The following NRG3 variants were observed in gnomAD, a reference collection of about 807,000 sequenced individuals.
NRG3 encodes pro-neuregulin-3, membrane-bound isoform.
Under a neutral mutation model 66.9 loss-of-function variants are expected in NRG3, and 31 were observed. The observed-to-expected ratio is 0.46, with a 90% CI of 0.35 to 0.63. The LOEUF is 0.63. Ranked by LOEUF, NRG3 falls within the 20% of genes least tolerant of loss-of-function variation. The pLI, the probability that NRG3 is intolerant of heterozygous loss-of-function variation, is 0.00. For synonymous variants in NRG3, 393 were observed against 359.4 expected (o/e 1.09, Z -1.06); for missense variants, 910 against 878.9 (o/e 1.04, Z -0.45).
At chr10:82,459,653 C>T (rs2136697082) in intron 2 of NRG3, among the ~76,000 whole-genome samples, 1 of 152,266 alleles carries the variant, frequency 6.6e-6, no homozygotes, top group South Asian at 2.1e-4. Flanking sequence ...AGTCTGTGCT[C>T]CTCCCGTCTG....
chr10:82,306,673 C>T (rs551993555), intron 1 of NRG3, among the ~76,000 whole-genome samples: 125 of 125,594 alleles, frequency 1.0e-3, no homozygotes, highest in African/African-American at 3.7e-3. Context: ...CACTGCACTC[C>T]AGCCTGGGCG....
At chr10:81,896,597 A>G (rs540869278) in intron 1 of NRG3, among the ~76,000 whole-genome samples, 29 of 151,594 alleles carry the variant, frequency 1.9e-4, no homozygotes, top group Middle Eastern at 3.5e-3. Flanking sequence ...TCTTTTCCAT[A>G]TAGATATTTA....
chr10:82,318,579 G>A (rs970338978), intron 1 of NRG3, among the ~76,000 whole-genome samples: 6 of 152,072 alleles, frequency 3.9e-5, no homozygotes, highest in Non-Finnish European at 7.3e-5. Flanking sequence ...TGACTGTCTC[G>A]TGGCCCTCCT....
intron 1 of NRG3, among the ~76,000 whole-genome samples, chr10:81,997,564 C>T (rs565845264): frequency 6.6e-6 from 1 of 152,058 alleles, no homozygotes; most frequent in East Asian, 1.9e-4. Flanking sequence ...TTCCAATTAG[C>T]CCAGTTATGT....
intron 1 of NRG3, among the ~76,000 whole-genome samples, chr10:82,084,799 A>G (rs940348528): frequency 1.3e-5 from 2 of 152,058 alleles, no homozygotes; most frequent in African/African-American, 4.8e-5. Context: ...GTATCTCTGC[A>G]AGATTGTCAG....
intron 1 of NRG3, among the ~76,000 whole-genome samples, chr10:82,173,674 A>AAC (rs3037392): frequency 0.17 from 25,186 of 146,516 alleles, 2,249 homozygotes; most frequent in African/African-American, 0.24. Context: ...TGCATATGTG[A>AAC]ACACACACAC....
chr10:82,125,337 C>A (rs1162706917), intron 1 of NRG3, among the ~76,000 whole-genome samples: 1 of 151,956 alleles, frequency 6.6e-6, no homozygotes, highest in African/African-American at 2.4e-5. Flanking sequence ...GTGATCTTCA[C>A]CAAACTCTGC....
intron 1 of NRG3, among the ~76,000 whole-genome samples, chr10:81,964,175 G>A (rs1589616445): frequency 6.6e-6 from 1 of 152,004 alleles, no homozygotes; most frequent in Non-Finnish European, 1.5e-5. Flanking sequence ...ATGTGAACAT[G>A]TATAATTTAC....
intron 2 of NRG3, among the ~76,000 whole-genome samples, chr10:82,648,600 A>G (rs1196715841): frequency 6.6e-6 from 1 of 152,120 alleles, no homozygotes; most frequent in Non-Finnish European, 1.5e-5. Flanking sequence ...CTTGGGCAGT[A>G]TGGCCATTTT....
intron 2 of NRG3, among the ~76,000 whole-genome samples, chr10:82,519,277 A>G (rs764006253): frequency 6.6e-6 from 1 of 152,116 alleles, no homozygotes; most frequent in African/African-American, 2.4e-5. Flanking sequence ...TATCCTCTAA[A>G]TTTGAGTTAC....
intron 4 of NRG3, among the ~76,000 whole-genome samples, chr10:82,886,790 C>G (rs1842758027): frequency 6.6e-6 from 1 of 152,202 alleles, no homozygotes; most frequent in African/African-American, 2.4e-5. Context: ...CTATCTGCTA[C>G]TAGGCATAGT....
At chr10:82,132,479 G>GATATATATATCATATATATATATA (rs1491227241) in intron 1 of NRG3, among the ~76,000 whole-genome samples, 1 of 62,498 alleles carries the variant, frequency 1.6e-5, no homozygotes, top group African/African-American at 5.9e-5. Flanking sequence ...ATATATATAT[G>GATATATATATCATATATATATATA]ATATATATAT....
chr10:82,886,696 G>T (rs1040893778), intron 4 of NRG3, among the ~76,000 whole-genome samples: 5 of 152,114 alleles, frequency 3.3e-5, no homozygotes, highest in Non-Finnish European at 7.4e-5. Context: ...TACTTACTGA[G>T]AACTGAGGCT....
chr10:82,873,688 A>T (rs750416212), intron 4 of NRG3, among the ~76,000 whole-genome samples: 64 of 152,172 alleles, frequency 4.2e-4, no homozygotes, highest in Admixed American at 9.8e-4. Context: ...GGCATCAAAG[A>T]TGTTTATATG....
At chr10:82,844,005 G>A (rs1021377770) in intron 3 of NRG3, among the ~76,000 whole-genome samples, 1 of 152,014 alleles carries the variant, frequency 6.6e-6, no homozygotes, top group Non-Finnish European at 1.5e-5. Flanking sequence ...CATATCATTT[G>A]TCATAGTTAA....
intron 1 of NRG3, among the ~76,000 whole-genome samples, chr10:82,076,001 G>T (rs1209703166): frequency 6.6e-6 from 1 of 151,456 alleles, no homozygotes; most frequent in Non-Finnish European, 1.5e-5. Context: ...TGAGTAAAAA[G>T]ACTGAGGGAG....
chr10:82,109,035 C>T (rs1428906791), intron 1 of NRG3, among the ~76,000 whole-genome samples: 1 of 152,164 alleles, frequency 6.6e-6, no homozygotes, highest in Non-Finnish European at 1.5e-5. Context: ...TTTTATTCAC[C>T]AGGGTATACC....
At position 82,551,148 on chromosome 10, in the gene NRG3, T is replaced by G. The variant is rs899987092; in HGVS notation, c.954-187429T>G. ...CACAAATTGAGCTGACTTCAAGCAA[T>G]GACTCCCATGAGATTAAAATACAGT... On this transcript the variant is annotated intron_variant, in intron 2 of 8. Transcript: ENST00000372141. Among the ~76,000 whole-genome samples, 8 of 152,126 alleles carry G rather than the reference T, an allele frequency of 5.3e-5. 1 individual carries two copies. Among genetic ancestry groups the G allele is most frequent in the Admixed American group, 2.0e-4 (3 of 15,262 alleles).
chr10:82,985,702 T>G lies in NRG3; in HGVS notation c.*97T>G. 7.5e-7 allele frequency: 1 copy of G among 1,340,770 alleles called. No homozygotes were observed. The highest frequency in any genetic ancestry group is 1.0e-6 in the Non-Finnish European group (1 of 987,484). 83.1% of individuals were successfully genotyped at this position (1,340,770 alleles called of 1,614,324 possible). On this transcript the variant is annotated 3_prime_UTR_variant, in exon 9 of 9. Coordinates refer to ENST00000372141, the MANE Select transcript of NRG3 (RefSeq NM_001010848.4). ...TTATATGCATTAATTTAAGAGCATC[T>G]ACTTAGAAGAAACCAAATAGTCTAT...
Sources: allele counts gnomAD v4.1 joint callset (sites outside exome capture counted in the v4.1 genomes callset), GRCh38; gene constraint gnomAD v4.1.1; transcripts MANE v1.5; gene names NCBI Gene and HGNC (gene_info 2026-07-23, HGNC 2026-07-21).